SLC39A11: variants seen among roughly 807,000 people sequenced by gnomAD.
The protein encoded by SLC39A11 is solute carrier family 39 member 11.
In SLC39A11, 33 loss-of-function variants were observed where a neutral mutation model predicts 36.1. That is an observed-to-expected ratio of 0.91 (90% CI 0.69 to 1.22). SLC39A11 has a LOEUF of 1.22. Ranked by LOEUF, SLC39A11 falls within the 50% of genes most tolerant of loss-of-function variation. SLC39A11 has a pLI of 0.00. For synonymous variants in SLC39A11, 166 were observed against 170.3 expected (o/e 0.97, Z 0.20); for missense variants, 432 against 430.3 (o/e 1.00, Z -0.03).
intron 5 of SLC39A11, among the ~76,000 whole-genome samples, chr17:72,857,669 A>G (rs952932790): frequency 3.9e-5 from 6 of 152,188 alleles, no homozygotes; most frequent in Non-Finnish European, 8.8e-5. Flanking sequence ...CTTTTTAATA[A>G]TAGCCATTCT....
chr17:72,676,150 T>C (rs1490727746), intron 7 of SLC39A11, among the ~76,000 whole-genome samples: 2 of 151,954 alleles, frequency 1.3e-5, no homozygotes, highest in Non-Finnish European at 2.9e-5. Flanking sequence ...AATGGTAATA[T>C]GGCTATAAAG....
intron 7 of SLC39A11, among the ~76,000 whole-genome samples, chr17:72,732,482 T>C (rs2074273250): frequency 6.6e-6 from 1 of 152,224 alleles, no homozygotes; most frequent in African/African-American, 2.4e-5. Context: ...GACTGTTTCT[T>C]AGACTTCCCT....
At chr17:72,837,424 G>C (rs1434561121) in intron 6 of SLC39A11, among the ~76,000 whole-genome samples, 2 of 149,868 alleles carry the variant, frequency 1.3e-5, no homozygotes, top group African/African-American at 2.5e-5. Context: ...ATGGTAGGTG[G>C]GACAGAGATT....
At position 72,997,217 on chromosome 17, in the gene SLC39A11, C is replaced by A. The variant is rs117454925; in HGVS notation, c.306+34339G>T. ...CACTTTGTGCCACAGCAACAATGAA[C>A]GAGCCGGCCTGCTGCAAGGTCTCTT... On this transcript the variant is annotated intron_variant, in intron 4 of 9. Transcript: ENST00000255559. 3.2e-4 allele frequency among the ~76,000 whole-genome samples: 49 copies of A among 152,196 alleles called. 1 individual carries two copies. In the South Asian group the frequency reaches 8.9e-3, roughly 28 times the overall value.
At chr17:73,073,352 C>T (rs12449970) in intron 3 of SLC39A11, among the ~76,000 whole-genome samples, 17,550 of 152,124 alleles carry the variant, frequency 0.12, 1,139 homozygotes, top group East Asian at 0.19. Flanking sequence ...CCGGCAACCA[C>T]GCTGTGAATA....
At chr17:73,032,561 G>A (rs2058772605) in intron 3 of SLC39A11, among the ~76,000 whole-genome samples, 1 of 152,066 alleles carries the variant, frequency 6.6e-6, no homozygotes, top group Non-Finnish European at 1.5e-5. Context: ...ACTACTTCAC[G>A]AGTTCCACTG....
intron 7 of SLC39A11, among the ~76,000 whole-genome samples, chr17:72,674,019 G>A (rs1261666984): frequency 2.0e-5 from 3 of 152,150 alleles, no homozygotes; most frequent in Non-Finnish European, 4.4e-5. Flanking sequence ...AGTGAGCTGA[G>A]ATCGTGCCAC....
intron 5 of SLC39A11, among the ~76,000 whole-genome samples, chr17:72,913,072 T>C (rs143144658): frequency 5.3e-5 from 8 of 152,322 alleles, no homozygotes; most frequent in Non-Finnish European, 8.8e-5. Context: ...AGTCCTGATT[T>C]ATACTCTGAA....
chr17:72,720,247 A>G (rs1259234057), intron 7 of SLC39A11, among the ~76,000 whole-genome samples: 2 of 152,234 alleles, frequency 1.3e-5, no homozygotes, highest in Admixed American at 1.3e-4. Context: ...CCATGCTGTG[A>G]TAAGATGACG....
intron 7 of SLC39A11, among the ~76,000 whole-genome samples, chr17:72,700,106 G>A (rs1009798754): frequency 2.0e-5 from 3 of 152,162 alleles, no homozygotes; most frequent in Admixed American, 6.5e-5. Flanking sequence ...GCCTGCCATC[G>A]TGCGCCTGGG....
At chr17:72,959,325 G>GTGTGTGTGTGTATA (rs1436484912) in intron 4 of SLC39A11, among the ~76,000 whole-genome samples, 3 of 65,548 alleles carry the variant, frequency 4.6e-5, no homozygotes, top group African/African-American at 2.1e-4. Flanking sequence ...GTGTGTGTGT[G>GTGTGTGTGTGTATA]TATATATATA....
chr17:72,807,035 C>T (rs934738778), intron 6 of SLC39A11, among the ~76,000 whole-genome samples: 4 of 151,916 alleles, frequency 2.6e-5, no homozygotes, highest in Admixed American at 6.6e-5. Context: ...TAAGAGATTT[C>T]CTCAACTTCA....
At chr17:72,997,554 G>C (rs941436031) in intron 4 of SLC39A11, among the ~76,000 whole-genome samples, 5 of 152,178 alleles carry the variant, frequency 3.3e-5, no homozygotes, top group African/African-American at 1.2e-4. Context: ...CGCCCAGCCA[G>C]AGTAGCCCCC....
chr17:72,798,102 C>T (rs2076955163), intron 6 of SLC39A11, among the ~76,000 whole-genome samples: 1 of 152,066 alleles, frequency 6.6e-6, no homozygotes, highest in Non-Finnish European at 1.5e-5. Context: ...GGGTGTATCA[C>T]TAGGAGAAGT....
intron 7 of SLC39A11, among the ~76,000 whole-genome samples, chr17:72,685,331 G>GTGCAAC (rs2071695189): frequency 6.6e-6 from 1 of 152,264 alleles, no homozygotes; most frequent in South Asian, 2.1e-4. Flanking sequence ...CTTTGAAAAG[G>GTGCAAC]TGCAACTGCA....
intron 6 of SLC39A11, among the ~76,000 whole-genome samples, chr17:72,745,513 T>C (rs2074896062): frequency 1.3e-5 from 2 of 152,194 alleles, no homozygotes; most frequent in African/African-American, 4.8e-5. Flanking sequence ...GCATTCCTCT[T>C]GGGTGGTTTT....
At chr17:72,692,693 G>C (rs2072092380) in intron 7 of SLC39A11, among the ~76,000 whole-genome samples, 1 of 152,182 alleles carries the variant, frequency 6.6e-6, no homozygotes, top group South Asian at 2.1e-4. Context: ...GATTTGAATG[G>C]GGACACAGCC....
At chr17:72,729,405 T>TATATATA (rs2074066107) in intron 7 of SLC39A11, among the ~76,000 whole-genome samples, 1 of 29,222 alleles carries the variant, frequency 3.4e-5, no homozygotes, top group Non-Finnish European at 7.2e-5. Context: ...ACCTGGCTAT[T>TATATATA]TATATATATA....
intron 4 of SLC39A11, among the ~76,000 whole-genome samples, chr17:72,966,162 GGCTGGCACCCCT>G (rs2086958394): frequency 6.6e-6 from 1 of 152,226 alleles, no homozygotes; most frequent in African/African-American, 2.4e-5. Flanking sequence ...GGGAGGCGCA[GGCTGGCACCCCT>G]GCTGGCCTGG....
Sources: allele counts gnomAD v4.1 joint callset (sites outside exome capture counted in the v4.1 genomes callset), GRCh38; gene constraint gnomAD v4.1.1; transcripts MANE v1.5; gene names NCBI Gene and HGNC (gene_info 2026-07-23, HGNC 2026-07-21).